The following TAFA4 variants were observed in gnomAD, a reference collection of about 807,000 sequenced individuals.
TAFA4 encodes the protein TAFA chemokine like family member 4.
Under a neutral mutation model 21.1 loss-of-function variants are expected in TAFA4, and 20 were observed. That is an observed-to-expected ratio of 0.95 (90% CI 0.67 to 1.38). The LOEUF (loss-of-function observed/expected upper bound fraction) is 1.38, where lower values mean the gene tolerates loss of function less well. TAFA4 is among the 40% of genes most tolerant of loss of function. The pLI is 0.00. For missense variants in TAFA4, 211 were observed against 180.9 expected, an observed-to-expected ratio of 1.17 and a Z score of -0.95; for synonymous variants, 71 against 67.4, an observed-to-expected ratio of 1.05 and a Z score of -0.26.
chr3:68,839,838 G>C (rs1423372111), intron 3 of TAFA4, among the ~76,000 whole-genome samples: 1 of 152,182 alleles, frequency 6.6e-6, no homozygotes, highest in Non-Finnish European at 1.5e-5. Context: ...AAATTTCCGA[G>C]GTAGGACAGA....
intron 3 of TAFA4, among the ~76,000 whole-genome samples, chr3:68,794,214 G>C (rs1703414524): frequency 6.6e-6 from 1 of 152,128 alleles, no homozygotes; most frequent in South Asian, 2.1e-4. Flanking sequence ...CCCAAGCTAA[G>C]GAAAGACTAC....
intron 1 of TAFA4, among the ~76,000 whole-genome samples, chr3:68,905,150 C>CTTT (rs145187037): frequency 1.5e-4 from 13 of 85,250 alleles, no homozygotes; most frequent in African/African-American, 4.7e-4. Context: ...AGATTTCTGC[C>CTTT]TTTTTTTTTT....
intron 5 of TAFA4, 74 bp from the exon 6 acceptor site, chr3:68,733,227 A>T: frequency 6.4e-7 from 1 of 1,567,594 alleles, no homozygotes; most frequent in South Asian, 1.2e-5. Context: ...CCCCGAGACC[A>T]ATAAGGTCCT....
At chr3:68,766,735 T>G (rs554503552) in intron 3 of TAFA4, among the ~76,000 whole-genome samples, 1 of 152,130 alleles carries the variant, frequency 6.6e-6, no homozygotes, top group Admixed American at 6.5e-5. Flanking sequence ...TCAGAAAGAC[T>G]TGAATTCAGT....
chr3:68,898,040 G>A (rs1250558265), intron 1 of TAFA4, among the ~76,000 whole-genome samples: 1 of 152,182 alleles, frequency 6.6e-6, no homozygotes, highest in African/African-American at 2.4e-5. Flanking sequence ...ACGAATGGGA[G>A]GAACAAGGTC....
At chr3:68,836,067 T>A (rs532704345) in intron 3 of TAFA4, among the ~76,000 whole-genome samples, 6 of 152,346 alleles carry the variant, frequency 3.9e-5, no homozygotes, top group African/African-American at 1.4e-4. Context: ...AGTTTTTCAA[T>A]CTCATGAAGT....
chr3:68,927,531 C>A (rs570448441), intron 1 of TAFA4, among the ~76,000 whole-genome samples: 1 of 152,306 alleles, frequency 6.6e-6, no homozygotes, highest in South Asian at 2.1e-4. Flanking sequence ...GCAAAGCCAA[C>A]AGAGTAGTTT....
At chr3:68,746,034 AAGC>A (rs1702450411) in intron 4 of TAFA4, among the ~76,000 whole-genome samples, 1 of 152,148 alleles carries the variant, frequency 6.6e-6, no homozygotes, top group Non-Finnish European at 1.5e-5. Context: ...GCTAGGATAA[AAGC>A]AGGCAGAGGA....
intron 3 of TAFA4, among the ~76,000 whole-genome samples, chr3:68,760,064 C>T (rs9310132): frequency 0.27 from 41,785 of 151,978 alleles, 7,145 homozygotes; most frequent in Non-Finnish European, 0.39. Flanking sequence ...TGCATATTTT[C>T]TGTTCAAAAA....
At chr3:68,741,933 T>G (rs1390989043) in intron 4 of TAFA4, among the ~76,000 whole-genome samples, 1 of 151,984 alleles carries the variant, frequency 6.6e-6, no homozygotes, top group East Asian at 1.9e-4. Context: ...AAAAAGAAAA[T>G]TATAGGCCAA....
chr3:68,929,013 T>C (rs1318748976), intron 1 of TAFA4, among the ~76,000 whole-genome samples: 1 of 150,994 alleles, frequency 6.6e-6, no homozygotes, highest in East Asian at 1.9e-4. Context: ...CCCTTTTGAC[T>C]GACTGAAGGG....
rs534994784 is a variant in TAFA4 at position 68,732,090 on chromosome 3, G to T, written c.*1052C>A. 2 of 152,412 alleles carry T rather than the reference G, an allele frequency of 1.3e-5. No individual in the cohort carries two copies. Among genetic ancestry groups the T allele is most frequent in the Non-Finnish European group, 2.9e-5 (2 of 68,006 alleles). The allele number at this position is 152,412 out of a possible 1,614,324, so 9.4% of individuals were successfully genotyped here. ...TTCTTCATCTGTTTCATACGTTTCC[G>T]CATGACAGCATTTGAGAATATGTGG... On this transcript the variant is annotated 3_prime_UTR_variant, in exon 6 of 6. Coordinates refer to ENST00000295569, the MANE Select transcript of TAFA4 (RefSeq NM_182522.5).
At chr3:68,866,914 C>T (rs997573208) in intron 3 of TAFA4, among the ~76,000 whole-genome samples, 6 of 151,732 alleles carry the variant, frequency 4.0e-5, no homozygotes, top group African/African-American at 1.5e-4. Context: ...ACAAAGGACA[C>T]CTACAGAATA....
chr3:68,747,216 TAA>T (rs1394523826), intron 4 of TAFA4, among the ~76,000 whole-genome samples: 1 of 151,936 alleles, frequency 6.6e-6, no homozygotes, highest in Non-Finnish European at 1.5e-5. Context: ...TCCATGAATT[TAA>T]AGTTTTTGCA....
At chr3:68,910,586 T>C (rs573734536) in intron 1 of TAFA4, among the ~76,000 whole-genome samples, 3 of 152,358 alleles carry the variant, frequency 2.0e-5, no homozygotes, top group Admixed American at 6.5e-5. Flanking sequence ...ATCCACTCTA[T>C]AGAACTTTGA....
chr3:68,757,922 T>A (rs1702687829), intron 3 of TAFA4, among the ~76,000 whole-genome samples: 1 of 152,162 alleles, frequency 6.6e-6, no homozygotes, highest in East Asian at 1.9e-4. Context: ...AGGTACTGTT[T>A]GAATTTTTTT....
chr3:68,804,608 T>C lies in TAFA4; in HGVS notation c.131-51590A>G, dbSNP rs1201380006. 3.3e-5 allele frequency among the ~76,000 whole-genome samples: 5 copies of C among 152,276 alleles called. No homozygotes were observed. In the East Asian group the frequency reaches 5.8e-4, roughly 18 times the overall value. On this transcript the variant is annotated intron_variant, in intron 3 of 5. Coordinates refer to ENST00000295569, the MANE Select transcript of TAFA4 (RefSeq NM_182522.5). ...TGGTACTGGTACCAAAACAGAGATA[T>C]AGATCAATGGAAGAGAACAGAGGCC...
rs1295412383 is a variant in TAFA4, at chr3:68,768,495, TGG to T, written c.131-15479_131-15478del. 3.9e-5 allele frequency among the ~76,000 whole-genome samples: 6 copies of T among 152,204 alleles called. No homozygotes were observed. In the South Asian group the frequency reaches 1.2e-3, roughly 32 times the overall value. ...AAATGGAGTGGTTATACACTGTCAG[TGG>T]GAATGCAAACTAGTACAGCCATTAT... On this transcript the variant is annotated intron_variant, in intron 3 of 5. Transcript: ENST00000295569.
intron 3 of TAFA4, among the ~76,000 whole-genome samples, chr3:68,797,288 T>A (rs1355800242): frequency 6.6e-6 from 1 of 152,068 alleles, no homozygotes; most frequent in Non-Finnish European, 1.5e-5. Flanking sequence ...AAATGTGGTA[T>A]GTACATACAC....
Sources: gnomAD v4.1 joint callset for allele counts (sites outside exome capture counted in the v4.1 genomes callset) on GRCh38, gnomAD v4.1.1 for gene constraint, MANE v1.5 for transcripts, NCBI Gene and HGNC (gene_info 2026-07-23, HGNC 2026-07-21) for gene names.